C1QL3: variants seen among roughly 807,000 people sequenced by gnomAD.
C1QL3 encodes the protein complement C1q-like protein 3.
A neutral mutation model predicts 16.6 loss-of-function variants in C1QL3; 4 were observed. The observed-to-expected ratio is 0.24, with a 90% CI of 0.12 to 0.55. The LOEUF is 0.55. Among genes scored for constraint, C1QL3 ranks in the 20% least tolerant of loss-of-function variants. C1QL3 has a pLI of 0.94. For missense variants in C1QL3, 269 were observed against 365.6 expected, an observed-to-expected ratio of 0.74 and a Z score of 2.16; for synonymous variants, 189 against 160.2, an observed-to-expected ratio of 1.18 and a Z score of -1.36.
chr10:16,521,098 G>T lies in C1QL3; in HGVS notation c.-33C>A. 1.3e-6 allele frequency: 2 copies of T among 1,547,502 alleles called. No homozygotes were observed. Among genetic ancestry groups the T allele is most frequent in the Non-Finnish European group, 8.7e-7 (1 of 1,145,200 alleles). ...CCCAGCGCCCCGGCGGCGATCAGGC[G>T]CCTCCTGCTGCCCACCAGCCGGCTC... On this transcript the variant is annotated 5_prime_UTR_variant, in exon 1 of 2. Transcript: ENST00000298943.
At chr10:16,515,063 T>C (rs1229102084) in intron 1 of C1QL3, among the ~76,000 whole-genome samples, 1 of 152,144 alleles carries the variant, frequency 6.6e-6, no homozygotes, top group Non-Finnish European at 1.5e-5. Flanking sequence ...AATAGTATTT[T>C]TTGCATTTTA....
intron 1 of C1QL3, among the ~76,000 whole-genome samples, chr10:16,515,370 A>G (rs1281207338): frequency 6.6e-6 from 1 of 152,082 alleles, no homozygotes; most frequent in Non-Finnish European, 1.5e-5. Context: ...TCTTTTTTCC[A>G]TCGTGTCTTT....
chr10:16,514,944 T>A (rs1314392248), intron 1 of C1QL3, among the ~76,000 whole-genome samples: 1 of 152,180 alleles, frequency 6.6e-6, no homozygotes, highest in African/African-American at 2.4e-5. Context: ...TCTGGCAGTC[T>A]TATCTAACTA....
Position 16,520,430 on chromosome 10 carries a change from C to T in C1QL3, c.588+48G>A. On this transcript the variant is annotated intron_variant, in intron 1 of 1. Transcript: ENST00000298943. The surrounding 1 kb of genome is among the most constrained non-coding windows in gnomAD (Gnocchi z 8.3). ...CGGGGTCTCCTCCCTCTCGCCCGCA[C>T]CTTCCCGCGCTCCCTCCCCGCCCTC... is the stretch of plus-strand genomic sequence containing the variant. 7.3e-7 allele frequency: 1 copy of T among 1,370,412 alleles called. No individual in the cohort carries two copies. Among genetic ancestry groups the T allele is most frequent in the Non-Finnish European group, 9.9e-7 (1 of 1,008,702 alleles). 84.9% of individuals were successfully genotyped at this position (1,370,412 alleles called of 1,614,324 possible). A position where few individuals can be genotyped will look rare whatever the true frequency, so the allele number is the denominator to read the frequency against.
chr10:16,521,440 A>AGCC lies in C1QL3; in HGVS notation c.-378_-376dup, dbSNP rs944930960. 5.7e-6 allele frequency: 1 copy of AGCC among 175,586 alleles called. No individual in the cohort carries two copies. Among genetic ancestry groups the AGCC allele is most frequent in the Non-Finnish European group, 1.2e-5 (1 of 83,646 alleles). The allele number at this position is 175,586 out of a possible 1,614,324, so 10.9% of individuals were successfully genotyped here. A position where few individuals can be genotyped will look rare whatever the true frequency, so the allele number is the denominator to read the frequency against. On this transcript the variant is annotated 5_prime_UTR_variant, in exon 1 of 2. Coordinates refer to ENST00000298943, the MANE Select transcript of C1QL3 (RefSeq NM_001010908.2). ...GCGCGGCCACCGGGAGGGCAGAGCCAGCCGCCGCCTCCTGAGCTCGCCCGG... is the reference window on the plus strand; with the variant it reads ...GCGCGGCCACCGGGAGGGCAGAGCCAGCCGCCGCCGCCTCCTGAGCTCGCCCGG...
chr10:16,517,225 A>G (rs1349040795), intron 1 of C1QL3, among the ~76,000 whole-genome samples: 1 of 152,198 alleles, frequency 6.6e-6, no homozygotes, highest in East Asian at 1.9e-4. Context: ...TTCTTATTAC[A>G]AGATAACTAT....
intron 1 of C1QL3, among the ~76,000 whole-genome samples, chr10:16,519,140 C>CTTTTTGTTTTTTTTTTTTTTTTTT (rs1836996765): frequency 2.5e-5 from 1 of 39,476 alleles, no homozygotes; most frequent in Non-Finnish European, 4.4e-5. Flanking sequence ...GCATTTAGGA[C>CTTTTTGTTTTTTTTTTTTTTTTTT]TTTTTTTTTT....
chr10:16,517,822 T>C (rs1564417624), intron 1 of C1QL3, among the ~76,000 whole-genome samples: 2 of 152,238 alleles, frequency 1.3e-5, no homozygotes, highest in Non-Finnish European at 2.9e-5. Flanking sequence ...GTTCTCGTAA[T>C]TTCATTTTCA....
At position 16,520,836 on chromosome 10, in the gene C1QL3, G is replaced by A; in HGVS notation, c.230C>T (p.Pro77Leu). The change falls in exon 1 of 2, where the codon CCC becomes CTC. Residue 77 changes from proline (P) to leucine (L), a missense_variant. Physicochemically the swap from Pro to Leu is moderately conservative, Grantham distance 98. Coordinates refer to ENST00000298943, the MANE Select transcript of C1QL3 (RefSeq NM_001010908.2). This position sits in a 1 kb window ranked among gnomAD's most constrained non-coding sequence, Gnocchi z 8.3. ...GRPGKAGPRG[P>L]PGEPGPPGPM... ...GCCGGGTGGCCCGGGCTCTCCGGGGGGCCCGCGCGGACCCGCCTTCCCGGG... is the reference window on the plus strand; with the variant it reads ...GCCGGGTGGCCCGGGCTCTCCGGGGAGCCCGCGCGGACCCGCCTTCCCGGG... 7.2e-7 allele frequency: 1 copy of A among 1,395,180 alleles called. No homozygotes were observed. The highest frequency in any genetic ancestry group is 9.3e-7 in the Non-Finnish European group (1 of 1,077,852). 86.4% of individuals were successfully genotyped at this position (1,395,180 alleles called of 1,614,324 possible). A position where few individuals can be genotyped will look rare whatever the true frequency, so the allele number is the denominator to read the frequency against.
chr10:16,514,329 C>T lies in C1QL3; in HGVS notation c.*199G>A, dbSNP rs1459563787. On this transcript the variant is annotated 3_prime_UTR_variant, in exon 2 of 2. Transcript: ENST00000298943. Reference sequence around the variant, plus strand: ...TTTGCTTTGGCGGTAGTGGATCACACATCTGCTTATCTTGCTTTGATATTT... The same window carrying T: ...TTTGCTTTGGCGGTAGTGGATCACATATCTGCTTATCTTGCTTTGATATTT... The T allele has an allele frequency of 3.4e-6, 2 of 587,870 alleles. No individual in the cohort carries two copies. The highest frequency in any genetic ancestry group is 3.0e-6 in the Non-Finnish European group (1 of 332,618). The allele number at this position is 587,870 out of a possible 1,614,324, so 36.4% of individuals were successfully genotyped here.
In C1QL3 at chr10:16,520,631, G is replaced by A; in HGVS notation, c.435C>T (p.Phe145=). 1 of 1,613,668 alleles carries A rather than the reference G, an allele frequency of 6.2e-7. No individual in the cohort carries two copies. The highest frequency in any genetic ancestry group is 8.5e-7 in the Non-Finnish European group (1 of 1,179,788). Residue 145 remains phenylalanine (F), a synonymous_variant, in exon 1 of 2, where the codon TTC becomes TTT. Transcript: ENST00000298943. This position sits in a 1 kb window ranked among gnomAD's most constrained non-coding sequence, Gnocchi z 8.3. ...RQHEGYEVLK[F]DDVVTNLGNH... ...TTCCGAGGTTGGTGACCACGTCGTC[G>A]AACTTGAGCACCTCGTAGCCTTCAT...
At position 16,521,295 on chromosome 10, in the gene C1QL3, C is replaced by A; in HGVS notation, c.-230G>T. 2.1e-6 allele frequency: 1 copy of A among 480,342 alleles called. No homozygotes were observed. The highest frequency in any genetic ancestry group is 2.1e-5 in the African/African-American group (1 of 48,588). 29.8% of individuals were successfully genotyped at this position (480,342 alleles called of 1,614,324 possible). A position where few individuals can be genotyped will look rare whatever the true frequency, so the allele number is the denominator to read the frequency against. On this transcript the variant is annotated 5_prime_UTR_variant, in exon 1 of 2. Coordinates refer to ENST00000298943, the MANE Select transcript of C1QL3 (RefSeq NM_001010908.2). ...GCGGAGGCTGCGGCTGGGGAGGGAG[C>A]GCGGGCGCCCAGTGACTTGAGCCGA...
intron 1 of C1QL3, among the ~76,000 whole-genome samples, chr10:16,517,833 T>C (rs1436486444): frequency 6.6e-6 from 1 of 152,218 alleles, no homozygotes; most frequent in East Asian, 1.9e-4. Flanking sequence ...TTCATTTTCA[T>C]TGTACTTCTG....
At position 16,515,232 on chromosome 10, in the gene C1QL3, A is replaced by G. The variant is rs932059817; in HGVS notation, c.589-525T>C. Among the ~76,000 whole-genome samples, 4 of 151,654 alleles carry G rather than the reference A, an allele frequency of 2.6e-5. No homozygotes were observed. In the South Asian group the frequency reaches 6.3e-4, roughly 24 times the overall value. ...CCTCTACTACTTACAAAGAAAAAAAAAAAAAAGAAAAAGTCTTTTGATTTA... is the reference window on the plus strand; with the variant it reads ...CCTCTACTACTTACAAAGAAAAAAAGAAAAAAGAAAAAGTCTTTTGATTTA... On this transcript the variant is annotated intron_variant, in intron 1 of 1. Transcript: ENST00000298943.
rs889271368 is a variant in C1QL3, at chr10:16,520,516, C to G, written c.550G>C (p.Gly184Arg). Reference sequence around the variant, plus strand: ...CAGAGATCAGCCCACATGCTGGTGCCGTCCCCTCCGCGCATCAGGACGTGG... The same window carrying G: ...CAGAGATCAGCCCACATGCTGGTGCGGTCCCCTCCGCGCATCAGGACGTGG... ...TYHVLMRGGD[G>R]TSMWADLCKN... Residue 184 changes from glycine (G) to arginine (R), a missense_variant, in exon 1 of 2, where the codon GGC becomes CGC. Gly to Arg is a moderately radical substitution (Grantham distance 125). Transcript: ENST00000298943. The surrounding 1 kb of genome is among the most constrained non-coding windows in gnomAD (Gnocchi z 8.3). 1 of 1,610,804 alleles carries G rather than the reference C, an allele frequency of 6.2e-7. No individual in the cohort carries two copies. The highest frequency in any genetic ancestry group is 1.7e-5 in the Admixed American group (1 of 59,732).
At chr10:16,515,299 G>T (rs1836933778) in intron 1 of C1QL3, among the ~76,000 whole-genome samples, 1 of 151,176 alleles carries the variant, frequency 6.6e-6, no homozygotes, top group Non-Finnish European at 1.5e-5. Flanking sequence ...CCTTTACCAG[G>T]CTGCTTCAGA....
chr10:16,515,233 A>G (rs547296161), intron 1 of C1QL3, among the ~76,000 whole-genome samples: 4 of 151,608 alleles, frequency 2.6e-5, no homozygotes, highest in Non-Finnish European at 4.4e-5. Flanking sequence ...AGAAAAAAAA[A>G]AAAAAGAAAA....
Position 16,520,445 on chromosome 10 carries a change from T to TCCCCCCCCCCCCCC in C1QL3, c.588+32_588+33insGGGGGGGGGGGGGG. The stretch of plus-strand genomic sequence containing the variant: ...CTCGCCCGCACCTTCCCGCGCTCCC[T>TCCCCCCCCCCCCCC]CCCCGCCCTCCCCGCCGCCCGCCCG... On this transcript the variant is annotated intron_variant, in intron 1 of 1. Coordinates refer to ENST00000298943, the MANE Select transcript of C1QL3 (RefSeq NM_001010908.2). The surrounding 1 kb of genome is among the most constrained non-coding windows in gnomAD (Gnocchi z 8.3). The TCCCCCCCCCCCCCC allele has an allele frequency of 3.8e-6, 2 of 527,490 alleles. No homozygotes were observed. Among genetic ancestry groups the TCCCCCCCCCCCCCC allele is most frequent in the East Asian group, 5.6e-5 (1 of 17,916 alleles). 32.7% of individuals were successfully genotyped at this position (527,490 alleles called of 1,614,324 possible). A position where few individuals can be genotyped will look rare whatever the true frequency, so the allele number is the denominator to read the frequency against.
rs77848682 is a variant in C1QL3 at position 16,514,070 on chromosome 10, C to T, written c.*458G>A. ...GACAAGCAGCATTATTTCAATTAGA[C>T]CTTCTCCTGCAGGGCAAAAATCATT... On this transcript the variant is annotated 3_prime_UTR_variant, in exon 2 of 2. Transcript: ENST00000298943. 2.2e-5 allele frequency: 8 copies of T among 366,790 alleles called. No individual in the cohort carries two copies. In the East Asian group the frequency reaches 2.7e-4, roughly 13 times the overall value. 22.7% of individuals were successfully genotyped at this position (366,790 alleles called of 1,614,324 possible).
Sources: allele counts gnomAD v4.1 joint callset (sites outside exome capture counted in the v4.1 genomes callset), GRCh38; gene constraint gnomAD v4.1.1; non-coding constraint Gnocchi (gnomAD v3.1); transcripts MANE v1.5; gene names NCBI Gene and HGNC (gene_info 2026-07-23, HGNC 2026-07-21).